CCDC27: variants seen among roughly 807,000 people sequenced by gnomAD.
CCDC27 encodes the protein coiled-coil domain-containing protein 27.
In CCDC27, 80 loss-of-function variants were observed where a neutral mutation model predicts 80.3. That is an observed-to-expected ratio of 1.00 (90% CI 0.83 to 1.20). The LOEUF (loss-of-function observed/expected upper bound fraction) is 1.20. Ranked by LOEUF, CCDC27 falls within the 50% of genes most tolerant of loss-of-function variation. CCDC27 has a pLI of 0.00. For synonymous variants in CCDC27, 342 were observed against 334.3 expected (o/e 1.02, Z -0.25); for missense variants, 815 against 809.4 (o/e 1.01, Z -0.08).
In CCDC27 at chr1:3,752,782, C is replaced by A; in HGVS notation, c.301C>A (p.Arg101Ser). The A allele has an allele frequency of 6.2e-7, 1 of 1,612,590 alleles. No homozygotes were observed. The highest frequency in any genetic ancestry group is 8.5e-7 in the Non-Finnish European group (1 of 1,179,192). ...CAGCAAGTCGGTCCAGACCATCAGCCGCTACTACAGGAAGACGGTATGGGG... is the reference window on the plus strand; with the variant it reads ...CAGCAAGTCGGTCCAGACCATCAGCAGCTACTACAGGAAGACGGTATGGGG... ...TLSKSVQTIS[R>S]YYRKTSEPKD... Residue 101 changes from arginine (R) to serine (S), a missense_variant, in exon 1 of 12, where the codon CGC (arginine) becomes AGC (serine). Physicochemically the swap from Arg to Ser is moderately radical, Grantham distance 110 (BLOSUM62 -1). Coordinates refer to ENST00000294600, the MANE Select transcript of CCDC27 (RefSeq NM_152492.3).
rs749685064 is a variant in CCDC27 at position 3,771,386 on chromosome 1, G to C, written c.1849-15G>C. 2 of 1,613,718 alleles carry C rather than the reference G, an allele frequency of 1.2e-6. No individual in the cohort carries two copies. The highest frequency in any genetic ancestry group is 1.7e-6 in the Non-Finnish European group (2 of 1,179,756). On this transcript the variant is annotated splice_polypyrimidine_tract_variant and intron_variant, in intron 11 of 11. Transcript: ENST00000294600. ...AACTGGGAAGGCCACCTCGACGGCTGTGTTTCTTGTGTAGAGAATTATCTC... is the reference window on the plus strand; with the variant it reads ...AACTGGGAAGGCCACCTCGACGGCTCTGTTTCTTGTGTAGAGAATTATCTC...
chr1:3,753,225 T>C (rs971959741), intron 1 of CCDC27, among the ~76,000 whole-genome samples: 3 of 152,072 alleles, frequency 2.0e-5, no homozygotes, highest in Admixed American at 6.5e-5. Flanking sequence ...CACCGTGTAC[T>C]GGGGGAGCCC....
At chr1:3,771,116 C>T (rs909250417) in intron 11 of CCDC27, among the ~76,000 whole-genome samples, 1 of 152,298 alleles carries the variant, frequency 6.6e-6, no homozygotes, top group Non-Finnish European at 1.5e-5. Flanking sequence ...CACCTGCCCC[C>T]GGCTCCGCAT....
chr1:3,766,428 G>A lies in CCDC27; in HGVS notation c.1453-107G>A. On this transcript the variant is annotated intron_variant, in intron 8 of 11. Transcript: ENST00000294600. The surrounding 1 kb of genome is among the most constrained non-coding windows in gnomAD (Gnocchi z 6.1). ...CCCTGCCTTCAATAGAAATCCCGCT[G>A]CTATTATTTTAGGGAGCTTTGGGGA... 1 of 680,894 alleles carries A rather than the reference G, an allele frequency of 1.5e-6. No homozygotes were observed. The highest frequency in any genetic ancestry group is 1.9e-5 in the South Asian group (1 of 53,064). The allele number at this position is 680,894 out of a possible 1,614,324, so 42.2% of individuals were successfully genotyped here.
rs974703383 is a variant in CCDC27, at chr1:3,769,448, C to T, written c.1744-335C>T. On this transcript the variant is annotated intron_variant, in intron 10 of 11. Transcript: ENST00000294600. This position sits in a 1 kb window ranked among gnomAD's most constrained non-coding sequence, Gnocchi z 4.6. The stretch of plus-strand genomic sequence containing the variant: ...TGGAGGATGGTCCAGGGGTTACGTG[C>T]GGCTTCTGTACTATTTTGGTTTGTT... Among the ~76,000 whole-genome samples the T allele has an allele frequency of 6.6e-6, 1 of 152,100 alleles. No individual in the cohort carries two copies. Among genetic ancestry groups the T allele is most frequent in the Non-Finnish European group, 1.5e-5 (1 of 68,012 alleles).
Position 3,761,653 on chromosome 1 carries a change from CAG to C in CCDC27, c.861+224_861+225del, listed in dbSNP as rs1491344498. Among the ~76,000 whole-genome samples, 8 of 137,822 alleles carry C rather than the reference CAG, an allele frequency of 5.8e-5. No individual in the cohort carries two copies. Among genetic ancestry groups the C allele is most frequent in the Non-Finnish European group, 1.4e-4 (8 of 58,172 alleles). The allele number at this position is 137,822 out of a possible 152,430, so 90.4% of individuals were successfully genotyped here. On this transcript the variant is annotated intron_variant, in intron 5 of 11. Transcript: ENST00000294600. The surrounding 1 kb of genome is among the most constrained non-coding windows in gnomAD (Gnocchi z 5.0). The stretch of plus-strand genomic sequence containing the variant: ...AAATGAGAGCCATGAGCTGATGCAA[CAG>C]GGGGGGGAGAGATGAATGGAGGCGC...
chr1:3,767,170 T>G (rs1570719153), intron 9 of CCDC27, 63 bp from the exon 10 acceptor site: 1 of 1,480,956 alleles, frequency 6.8e-7, no homozygotes. Flanking sequence ...AGTGGATGGG[T>G]GCCACACATA....
In CCDC27 at chr1:3,763,461, C is replaced by T. The variant is rs766434834; in HGVS notation, c.1308C>T (p.Tyr436=). Residue 436 remains tyrosine (Y), a synonymous_variant, in exon 7 of 12, where the codon TAC becomes TAT. Transcript: ENST00000294600. This position sits in a 1 kb window ranked among gnomAD's most constrained non-coding sequence, Gnocchi z 7.5. Reference sequence around the variant, plus strand: ...ACCTGGAGGCCACCAGGACCAGATACTCCCTTGCAACAGGTAGGGCCTCGG... The same window carrying T: ...ACCTGGAGGCCACCAGGACCAGATATTCCCTTGCAACAGGTAGGGCCTCGG... The part of the protein sequence containing the change: ...QFNLEATRTR[Y]SLATGVIASL... The T allele has an allele frequency of 8.7e-6, 14 of 1,603,010 alleles. No homozygotes were observed. Among genetic ancestry groups the T allele is most frequent in the Non-Finnish European group, 1.2e-5 (14 of 1,175,110 alleles).
In CCDC27 at chr1:3,767,233, C is replaced by G. The variant is rs1372266945; in HGVS notation, c.1531C>G (p.Gln511Glu). 6.2e-7 allele frequency: 1 copy of G among 1,613,518 alleles called. No homozygotes were observed. The highest frequency in any genetic ancestry group is 8.5e-7 in the Non-Finnish European group (1 of 1,179,786). The change falls in exon 10 of 12, where the codon CAA (glutamine) becomes GAA (glutamate). Residue 511 changes from glutamine to glutamate, a missense_variant and splice_region_variant. By Grantham distance (29) the Gln-to-Glu change is conservative. Transcript: ENST00000294600. ...CTTTTTTCTCCCCGGCTGTCCCCAG[C>G]AAGTGTCGGAACTGGAGAGAAAGCT... ...IEKDNQLLRQ[Q>E]VSELERKLTK... is the part of the protein sequence containing the mutation.
chr1:3,761,199 C>G lies in CCDC27; in HGVS notation c.712-82C>G. 6.5e-7 allele frequency: 1 copy of G among 1,538,832 alleles called. No individual in the cohort carries two copies. Among genetic ancestry groups the G allele is most frequent in the Non-Finnish European group, 8.8e-7 (1 of 1,134,650 alleles). On this transcript the variant is annotated intron_variant, in intron 4 of 11. Coordinates refer to ENST00000294600, the MANE Select transcript of CCDC27 (RefSeq NM_152492.3). The surrounding 1 kb of genome is among the most constrained non-coding windows in gnomAD (Gnocchi z 5.0). ...GGGTACCACGACAGCAGATCTGCTC[C>G]TCCTGGGTGGGCTGGAGGCAGGTCA... is the stretch of plus-strand genomic sequence containing the variant.
At position 3,760,158 on chromosome 1, in the gene CCDC27, G is replaced by A. The variant is rs1407434274; in HGVS notation, c.712-1123G>A. ...TTGCACTATTTTGAGACGTGCAAGT[G>A]TCTCGGGACCATGGCTTGGGTGATG... On this transcript the variant is annotated intron_variant, in intron 4 of 11. Transcript: ENST00000294600. This position sits in a 1 kb window ranked among gnomAD's most constrained non-coding sequence, Gnocchi z 4.3. Among the ~76,000 whole-genome samples, 5 of 152,212 alleles carry A rather than the reference G, an allele frequency of 3.3e-5. No homozygotes were observed. Among genetic ancestry groups the A allele is most frequent in the African/African-American group, 1.2e-4 (5 of 41,446 alleles).
intron 1 of CCDC27, 105 bp downstream of exon 1, chr1:3,752,904 C>A: frequency 1.6e-6 from 2 of 1,284,984 alleles, no homozygotes; most frequent in Non-Finnish European, 2.1e-6. Flanking sequence ...TTCCACAGGC[C>A]TTCTGGTGAT....
Position 3,766,580 on chromosome 1 carries a change from C to T in CCDC27, c.1498C>T (p.Leu500Phe), listed in dbSNP as rs1268457678. ...EDKKHQEMMGLIEKDNQLLRQ... is the reference protein window; with the variant it reads ...EDKKHQEMMGFIEKDNQLLRQ... ...TAAGAAACACCAAGAGATGATGGGG[C>T]TCATTGAAAAGGACAACCAGCTCCT... Residue 500 changes from leucine to phenylalanine, a missense_variant, in exon 9 of 12, where the codon CTC becomes TTC. Coordinates refer to ENST00000294600, the MANE Select transcript of CCDC27 (RefSeq NM_152492.3). The surrounding 1 kb of genome is among the most constrained non-coding windows in gnomAD (Gnocchi z 6.1). The T allele has an allele frequency of 1.2e-6, 2 of 1,613,770 alleles. No individual in the cohort carries two copies. Among genetic ancestry groups the T allele is most frequent in the Non-Finnish European group, 1.7e-6 (2 of 1,179,948 alleles).
In CCDC27 at chr1:3,763,925, G is replaced by A. The variant is rs546527884; in HGVS notation, c.1452+89G>A. ...CGGCAGCTCGGGGCAGGCGCTGCCC[G>A]TCCCATCTACTGATGGAGACTTTGA... On this transcript the variant is annotated intron_variant, in intron 8 of 11. Coordinates refer to ENST00000294600, the MANE Select transcript of CCDC27 (RefSeq NM_152492.3). The surrounding 1 kb of genome is among the most constrained non-coding windows in gnomAD (Gnocchi z 7.5). 34 of 1,519,002 alleles carry A rather than the reference G, an allele frequency of 2.2e-5. No homozygotes were observed. The highest frequency in any genetic ancestry group is 6.9e-5 in the African/African-American group (5 of 72,588). 94.1% of individuals were successfully genotyped at this position (1,519,002 alleles called of 1,614,324 possible).
intron 2 of CCDC27, among the ~76,000 whole-genome samples, 195 bp from the exon 3 acceptor site, chr1:3,755,262 T>G (rs1165134186): frequency 4.6e-5 from 7 of 152,180 alleles, no homozygotes; most frequent in Admixed American, 4.6e-4. Context: ...TTGGGTCTGC[T>G]GAGGTGGAGA....
At chr1:3,771,344 T>A in intron 11 of CCDC27, 57 bp from the exon 12 acceptor site, 1 of 1,611,202 alleles carries the variant, frequency 6.2e-7, no homozygotes, top group Non-Finnish European at 8.5e-7. Flanking sequence ...CAGACCGGCC[T>A]CAAGGCCAAG....
chr1:3,753,364 C>T (rs1429900425), intron 1 of CCDC27, among the ~76,000 whole-genome samples: 1 of 149,618 alleles, frequency 6.7e-6, no homozygotes, highest in African/African-American at 2.5e-5. Flanking sequence ...ACTCTTGTCA[C>T]CCGGGCTGGA....
chr1:3,769,803 G>A lies in CCDC27; in HGVS notation c.1764G>A (p.Lys588=), dbSNP rs1265496832. 6.2e-7 allele frequency: 1 copy of A among 1,613,898 alleles called. No individual in the cohort carries two copies. Among genetic ancestry groups the A allele is most frequent in the African/African-American group, 1.3e-5 (1 of 74,898 alleles). ...CACAGCTCGAGAGGTTAAGGAATAA[G>A]ATCATCCAGGCCACCTTTAGCATCT... ...SQSRLERLRN[K]IIQATFSISG... Residue 588 remains lysine (K), a synonymous_variant, in exon 11 of 12, where the codon AAG becomes AAA. Transcript: ENST00000294600. This position sits in a 1 kb window ranked among gnomAD's most constrained non-coding sequence, Gnocchi z 4.6.
Position 3,761,161 on chromosome 1 carries a change from C to A in CCDC27, c.712-120C>A. On this transcript the variant is annotated intron_variant, in intron 4 of 11. Transcript: ENST00000294600. The surrounding 1 kb of genome is among the most constrained non-coding windows in gnomAD (Gnocchi z 5.0). ...AGTACCTATCTTGAAATCCCTGGGACCCTGGGGTTTTGGGGTACCACGACA... is the reference window on the plus strand; with the variant it reads ...AGTACCTATCTTGAAATCCCTGGGAACCTGGGGTTTTGGGGTACCACGACA... 1 of 1,176,524 alleles carries A rather than the reference C, an allele frequency of 8.5e-7. No individual in the cohort carries two copies. The highest frequency in any genetic ancestry group is 1.2e-6 in the Non-Finnish European group (1 of 826,328). 72.9% of individuals were successfully genotyped at this position (1,176,524 alleles called of 1,614,324 possible). A position where few individuals can be genotyped will look rare whatever the true frequency, so the allele number is the denominator to read the frequency against.
Sources: gnomAD v4.1 joint callset for allele counts (sites outside exome capture counted in the v4.1 genomes callset) on GRCh38, gnomAD v4.1.1 for gene constraint, Gnocchi (gnomAD v3.1) non-coding constraint, MANE v1.5 for transcripts, NCBI Gene and HGNC (gene_info 2026-07-23, HGNC 2026-07-21) for gene names.